The following CBLN2 variants were observed in gnomAD, a reference collection of about 807,000 sequenced individuals.
The protein encoded by CBLN2 is cerebellin-2.
A neutral mutation model predicts 15.0 loss-of-function variants in CBLN2; 7 were observed. That is an observed-to-expected ratio of 0.47 (90% CI 0.27 to 0.88). The LOEUF (loss-of-function observed/expected upper bound fraction) is 0.88, where lower values mean the gene tolerates loss of function less well. CBLN2 is among the 40% of genes least tolerant of loss of function. The pLI, the probability that CBLN2 is intolerant of heterozygous loss-of-function variation, is 0.14. For synonymous variants in CBLN2, 149 were observed against 135.2 expected (o/e 1.10, Z -0.71); for missense variants, 242 against 304.5 (o/e 0.79, Z 1.53).
intron 1 of CBLN2, among the ~76,000 whole-genome samples, chr18:72,609,090 C>A (rs1036573458): frequency 3.9e-5 from 6 of 152,070 alleles, no homozygotes; most frequent in African/African-American, 1.2e-4. Context: ...CCATATCAGG[C>A]CTCAACAGAA....
intron 1 of CBLN2, among the ~76,000 whole-genome samples, chr18:72,627,760 T>C (rs1568136355): frequency 6.6e-6 from 1 of 152,252 alleles, no homozygotes; most frequent in African/African-American, 2.4e-5. Flanking sequence ...TCAGAGCCTT[T>C]CTAAAATTTT....
intron 1 of CBLN2, among the ~76,000 whole-genome samples, chr18:72,598,744 G>A (rs866860210): frequency 2.0e-5 from 3 of 152,206 alleles, no homozygotes; most frequent in Non-Finnish European, 2.9e-5. Context: ...TCAGATGGAC[G>A]ATTTGCCTCT....
At chr18:72,560,920 A>G (rs1025867802) in intron 1 of CBLN2, among the ~76,000 whole-genome samples, 9 of 152,118 alleles carry the variant, frequency 5.9e-5, no homozygotes, top group African/African-American at 1.9e-4. Context: ...GAGGCAGGAG[A>G]ATGGTGTGAA....
At chr18:72,634,660 T>C (rs2069800468) in intron 1 of CBLN2, among the ~76,000 whole-genome samples, 1 of 152,102 alleles carries the variant, frequency 6.6e-6, no homozygotes, top group Non-Finnish European at 1.5e-5. Flanking sequence ...CAGGCTGGTG[T>C]CAGGGATTTA....
At chr18:72,575,325 G>C (rs989742084) in intron 1 of CBLN2, among the ~76,000 whole-genome samples, 11 of 152,126 alleles carry the variant, frequency 7.2e-5, no homozygotes, top group African/African-American at 2.7e-4. Context: ...TTGAGGATAG[G>C]GTGTTGGAAG....
intron 1 of CBLN2, among the ~76,000 whole-genome samples, chr18:72,602,059 C>T (rs1013344789): frequency 2.5e-4 from 38 of 152,196 alleles, no homozygotes; most frequent in Admixed American, 2.5e-3. Context: ...CACATCTGGG[C>T]TCACTGGCAG....
chr18:72,630,470 T>C (rs377293269), intron 1 of CBLN2, among the ~76,000 whole-genome samples: 107 of 149,618 alleles, frequency 7.2e-4, no homozygotes, highest in African/African-American at 2.6e-3. Flanking sequence ...GAAGAGATGA[T>C]TACATTGGTG....
intron 1 of CBLN2, among the ~76,000 whole-genome samples, chr18:72,615,233 T>A (rs940768282): frequency 4.5e-5 from 6 of 134,242 alleles, no homozygotes. Flanking sequence ...TACATATATA[T>A]TATATATATA....
At position 72,537,828 on chromosome 18, in the gene CBLN2, C is replaced by G. The variant is rs527784292; in HGVS notation, c.*348G>C. ...ATCCTGGAGTCAGGAGCTCTCCTTC[C>G]GTTGGGACGACAATACAACATACAA... On this transcript the variant is annotated 3_prime_UTR_variant, in exon 5 of 5. Coordinates refer to ENST00000269503, the MANE Select transcript of CBLN2 (RefSeq NM_182511.4). 3.1e-6 allele frequency: 1 copy of G among 320,334 alleles called. No individual in the cohort carries two copies. Among genetic ancestry groups the G allele is most frequent in the African/African-American group, 2.2e-5 (1 of 46,396 alleles). The allele number at this position is 320,334 out of a possible 1,614,324, so 19.8% of individuals were successfully genotyped here. A position where few individuals can be genotyped will look rare whatever the true frequency, so the allele number is the denominator to read the frequency against.
At chr18:72,634,396 T>C (rs1377621351) in intron 1 of CBLN2, among the ~76,000 whole-genome samples, 2 of 152,098 alleles carry the variant, frequency 1.3e-5, no homozygotes, top group Non-Finnish European at 2.9e-5. Flanking sequence ...TTAAATATTG[T>C]TTATTCCTTA....
intron 1 of CBLN2, among the ~76,000 whole-genome samples, chr18:72,576,812 A>T (rs956152539): frequency 2.6e-5 from 4 of 151,124 alleles, no homozygotes; most frequent in African/African-American, 9.7e-5. Context: ...AAAACTCCAT[A>T]TGTAAAAAAC....
intron 1 of CBLN2, among the ~76,000 whole-genome samples, chr18:72,592,435 C>T (rs908621103): frequency 1.3e-5 from 2 of 151,854 alleles, no homozygotes; most frequent in Non-Finnish European, 2.9e-5. Context: ...CAATTATTTT[C>T]TCCCATTCTG....
At chr18:72,567,080 C>G (rs575649620) in intron 1 of CBLN2, among the ~76,000 whole-genome samples, 1 of 152,256 alleles carries the variant, frequency 6.6e-6, no homozygotes, top group East Asian at 1.9e-4. Context: ...GCCTCAGCCT[C>G]CCAAAATGCT....
rs1365394691 is a variant in CBLN2, at chr18:72,552,130, CT to C, written c.16-13359del. ...TTTTTTTTTGAGACAGACTTTCGCT[CT>C]TTTTGCCCAGGCTGGTACGATCTCG... is the stretch of plus-strand genomic sequence containing the variant. On this transcript the variant is annotated intron_variant, in intron 1 of 2. Coordinates refer to the CBLN2 transcript ENST00000581073. Among the ~76,000 whole-genome samples, 45 of 149,832 alleles carry C rather than the reference CT, an allele frequency of 3.0e-4. 1 individual carries two copies. The highest frequency in any genetic ancestry group is 3.0e-3 in the Admixed American group (45 of 15,064).
intron 1 of CBLN2, among the ~76,000 whole-genome samples, chr18:72,617,935 A>G (rs944490854): frequency 6.6e-6 from 1 of 152,206 alleles, no homozygotes; most frequent in Admixed American, 6.5e-5. Flanking sequence ...CCAGAACGAG[A>G]AAAAGAAAAT....
At chr18:72,564,876 G>T (rs1477750656) in intron 1 of CBLN2, among the ~76,000 whole-genome samples, 1 of 152,114 alleles carries the variant, frequency 6.6e-6, no homozygotes, top group African/African-American at 2.4e-5. Context: ...AAAACCCAAA[G>T]TCAGAGAGAG....
At chr18:72,606,377 A>G (rs1224113894) in intron 1 of CBLN2, among the ~76,000 whole-genome samples, 1 of 152,206 alleles carries the variant, frequency 6.6e-6, no homozygotes, top group African/African-American at 2.4e-5. Context: ...GTTTTCCTGT[A>G]TAAGAATCTG....
intron 1 of CBLN2, among the ~76,000 whole-genome samples, chr18:72,610,187 T>C (rs1013180601): frequency 6.6e-6 from 1 of 152,144 alleles, no homozygotes; most frequent in East Asian, 1.9e-4. Flanking sequence ...TTGTTGTTTT[T>C]AGCCTGAGCC....
chr18:72,546,796 G>A (rs1489002843), upstream of CBLN2, among the ~76,000 whole-genome samples: 2 of 152,132 alleles, frequency 1.3e-5, no homozygotes, highest in African/African-American at 4.8e-5. Flanking sequence ...CTAATATTAG[G>A]GAAAAATGTG....
Sources: allele counts gnomAD v4.1 joint callset (sites outside exome capture counted in the v4.1 genomes callset), GRCh38; gene constraint gnomAD v4.1.1; transcripts MANE v1.5; gene names NCBI Gene and HGNC (gene_info 2026-07-23, HGNC 2026-07-21).